LMX1B: variants seen among roughly 807,000 people sequenced by gnomAD.
The protein encoded by LMX1B is LIM homeobox transcription factor 1 beta.
A neutral mutation model predicts 51.4 loss-of-function variants in LMX1B; 12 were observed. That is an observed-to-expected ratio of 0.23 (90% CI 0.15 to 0.38). The LOEUF (loss-of-function observed/expected upper bound fraction) is 0.38. Among genes scored for constraint, LMX1B ranks in the 10% least tolerant of loss-of-function variants. The probability of loss-of-function intolerance (pLI) is 1.00; values close to 1 mark genes in which losing one functional copy is unlikely to be tolerated. For synonymous variants in LMX1B, 237 were observed against 235.4 expected (o/e 1.01, Z -0.06); for missense variants, 445 against 571.1 (o/e 0.78, Z 2.25).
chr9:126,652,615 G>A (rs1335085645), intron 2 of LMX1B, among the ~76,000 whole-genome samples: 1 of 152,268 alleles, frequency 6.6e-6, no homozygotes, highest in African/African-American at 2.4e-5. Context: ...GTGACTGTGT[G>A]TGTGTGTGGA....
rs572629979 is a variant in LMX1B, at chr9:126,695,603, C to T, written c.887-236C>T. Among the ~76,000 whole-genome samples the T allele has an allele frequency of 7.9e-5, 12 of 152,104 alleles. No homozygotes were observed. Among genetic ancestry groups the T allele is most frequent in the African/African-American group, 2.7e-4 (11 of 41,472 alleles). ...CGCCTCCCTGGATCCCCTGGAGGGG[C>T]GGGGTGGTGGGAGGAAAGAAGATGA... On this transcript the variant is annotated intron_variant, in intron 6 of 7. Coordinates refer to ENST00000373474, the MANE Select transcript of LMX1B (RefSeq NM_001174147.2). The surrounding 1 kb of genome is among the most constrained non-coding windows in gnomAD (Gnocchi z 5.2).
chr9:126,674,335 G>A (rs1450357453), intron 2 of LMX1B, among the ~76,000 whole-genome samples: 1 of 152,124 alleles, frequency 6.6e-6, no homozygotes, highest in Non-Finnish European at 1.5e-5. Flanking sequence ...GCTTTCTCAG[G>A]GCTGCTCTTC....
chr9:126,624,858 A>T (rs1298982383), intron 2 of LMX1B, among the ~76,000 whole-genome samples: 2 of 152,086 alleles, frequency 1.3e-5, no homozygotes, highest in Non-Finnish European at 2.9e-5. Flanking sequence ...GCCATATCCA[A>T]CAGCAACGGG....
intron 2 of LMX1B, among the ~76,000 whole-genome samples, chr9:126,665,394 T>C (rs753484199): frequency 2.0e-5 from 3 of 152,222 alleles, no homozygotes; most frequent in African/African-American, 7.2e-5. Flanking sequence ...GGTGGCTAAA[T>C]TGAGTCTCGG....
At chr9:126,684,437 C>G (rs1052839161) in intron 2 of LMX1B, among the ~76,000 whole-genome samples, 1 of 152,182 alleles carries the variant, frequency 6.6e-6, no homozygotes, top group Non-Finnish European at 1.5e-5. Flanking sequence ...CCTTCCCACA[C>G]TGGTTAAAAT....
At chr9:126,685,404 C>T (rs1836752006) in intron 2 of LMX1B, among the ~76,000 whole-genome samples, 1 of 152,116 alleles carries the variant, frequency 6.6e-6, no homozygotes, top group African/African-American at 2.4e-5. Context: ...CTTGGACGTT[C>T]AGAAATGAAG....
chr9:126,681,826 G>T (rs1034574008), intron 2 of LMX1B, among the ~76,000 whole-genome samples: 1 of 151,766 alleles, frequency 6.6e-6, no homozygotes. Flanking sequence ...GCTTGAACCC[G>T]GGAGGCAGAG....
At position 126,615,330 on chromosome 9, in the gene LMX1B, C is replaced by T. The variant is rs1348857495; in HGVS notation, c.140-53C>T. 5.7e-6 allele frequency: 8 copies of T among 1,395,852 alleles called. No homozygotes were observed. The highest frequency in any genetic ancestry group is 7.5e-6 in the Non-Finnish European group (8 of 1,070,664). 86.5% of individuals were successfully genotyped at this position (1,395,852 alleles called of 1,614,324 possible). A position where few individuals can be genotyped will look rare whatever the true frequency, so the allele number is the denominator to read the frequency against. ...TGTGGGCCCGGTGCGACCGGGACGC[C>T]GGGGCTGGGCCGGGCGGCGCTGACG... is the stretch of plus-strand genomic sequence containing the variant. On this transcript the variant is annotated intron_variant, in intron 1 of 7. Coordinates refer to ENST00000373474, the MANE Select transcript of LMX1B (RefSeq NM_001174147.2). The surrounding 1 kb of genome is among the most constrained non-coding windows in gnomAD (Gnocchi z 6.0).
At position 126,626,496 on chromosome 9, in the gene LMX1B, A is replaced by G. The variant is rs1362027675; in HGVS notation, c.326+10927A>G. On this transcript the variant is annotated intron_variant, in intron 2 of 7. Transcript: ENST00000373474. The surrounding 1 kb of genome is among the most constrained non-coding windows in gnomAD (Gnocchi z 4.3). ...TGGGACGGGCAGGCGAGAGCGGGGAAGGGGACCGATGGAGCCAGAAGCCCT... is the reference window on the plus strand; with the variant it reads ...TGGGACGGGCAGGCGAGAGCGGGGAGGGGGACCGATGGAGCCAGAAGCCCT... Among the ~76,000 whole-genome samples, 2 of 152,078 alleles carry G rather than the reference A, an allele frequency of 1.3e-5. No individual in the cohort carries two copies. Among genetic ancestry groups the G allele is most frequent in the Admixed American group, 1.3e-4 (2 of 15,276 alleles).
chr9:126,700,644 CAT>C lies in LMX1B; in HGVS notation c.*4194_*4195del, dbSNP rs1368815516. 1.3e-5 allele frequency: 2 copies of C among 152,294 alleles called. No homozygotes were observed. The highest frequency in any genetic ancestry group is 1.3e-4 in the Admixed American group (2 of 15,288). 9.4% of individuals were successfully genotyped at this position (152,294 alleles called of 1,614,324 possible). ...GCTTGCGGACCCATACTCACAGGCA[CAT>C]GTGGCCTGGGGACTGGGGGAGCAGG... On this transcript the variant is annotated 3_prime_UTR_variant, in exon 8 of 8. Coordinates refer to ENST00000373474, the MANE Select transcript of LMX1B (RefSeq NM_001174147.2).
At chr9:126,684,134 A>G (rs1442247701) in intron 2 of LMX1B, among the ~76,000 whole-genome samples, 2 of 152,090 alleles carry the variant, frequency 1.3e-5, no homozygotes, top group African/African-American at 2.4e-5. Flanking sequence ...GCCAAATCTC[A>G]TGGTCCCCAT....
chr9:126,671,266 C>G lies in LMX1B; in HGVS notation c.327-19570C>G, dbSNP rs990021366. The stretch of plus-strand genomic sequence containing the variant: ...AATCGGTCATAAATTTCTTGAGATG[C>G]TTTAATTTTTTAAAAGCCCCACGTA... On this transcript the variant is annotated intron_variant, in intron 2 of 7. Coordinates refer to ENST00000373474, the MANE Select transcript of LMX1B (RefSeq NM_001174147.2). The surrounding 1 kb of genome is among the most constrained non-coding windows in gnomAD (Gnocchi z 4.4). 3.3e-5 allele frequency among the ~76,000 whole-genome samples: 5 copies of G among 152,158 alleles called. No individual in the cohort carries two copies. The highest frequency in any genetic ancestry group is 2.1e-4 in the South Asian group (1 of 4,822).
At chr9:126,688,631 T>G (rs1564167806) in intron 2 of LMX1B, among the ~76,000 whole-genome samples, 1 of 152,202 alleles carries the variant, frequency 6.6e-6, no homozygotes, top group Non-Finnish European at 1.5e-5. Context: ...GCCAGATTCC[T>G]AGGGCCTCTG....
rs145190620 is a variant in LMX1B at position 126,699,699 on chromosome 9, G to C, written c.*3248G>C. The C allele has an allele frequency of 6.6e-6, 1 of 152,406 alleles. No homozygotes were observed. Among genetic ancestry groups the C allele is most frequent in the East Asian group, 1.9e-4 (1 of 5,178 alleles). The allele number at this position is 152,406 out of a possible 1,614,324, so 9.4% of individuals were successfully genotyped here. ...AGCCAGACTCTCCGGCCCAGCCAGAGAGTCCAGACATGGCAGGGACCCGTT... is the reference window on the plus strand; with the variant it reads ...AGCCAGACTCTCCGGCCCAGCCAGACAGTCCAGACATGGCAGGGACCCGTT... On this transcript the variant is annotated 3_prime_UTR_variant, in exon 8 of 8. Transcript: ENST00000373474.
At chr9:126,646,561 G>T (rs2118893084) in intron 2 of LMX1B, among the ~76,000 whole-genome samples, 1 of 152,344 alleles carries the variant, frequency 6.6e-6, no homozygotes, top group South Asian at 2.1e-4. Flanking sequence ...CCAGGGGAGA[G>T]ATTGACTGTC....
chr9:126,653,731 C>T (rs1223383443), intron 2 of LMX1B, among the ~76,000 whole-genome samples: 1 of 152,160 alleles, frequency 6.6e-6, no homozygotes, highest in East Asian at 1.9e-4. Flanking sequence ...CTTTCATGAC[C>T]ACACTCAGCT....
chr9:126,617,312 A>G (rs1835321637), intron 2 of LMX1B, among the ~76,000 whole-genome samples: 2 of 151,910 alleles, frequency 1.3e-5, no homozygotes, highest in African/African-American at 4.8e-5. Context: ...CAGCTCAGCC[A>G]CCAGCCTTTA....
At chr9:126,616,943 T>C (rs933772808) in intron 2 of LMX1B, among the ~76,000 whole-genome samples, 2 of 152,062 alleles carry the variant, frequency 1.3e-5, no homozygotes, top group Non-Finnish European at 2.9e-5. Context: ...GGGATTGGAG[T>C]CCATTCAGAG....
chr9:126,616,612 G>A (rs771825725), intron 2 of LMX1B, among the ~76,000 whole-genome samples: 3 of 152,216 alleles, frequency 2.0e-5, no homozygotes, highest in Non-Finnish European at 2.9e-5. Flanking sequence ...GCTGCAGAGC[G>A]GGTAGGCTGC....
Sources: allele counts gnomAD v4.1 joint callset (sites outside exome capture counted in the v4.1 genomes callset), GRCh38; gene constraint gnomAD v4.1.1; non-coding constraint Gnocchi (gnomAD v3.1); transcripts MANE v1.5; gene names NCBI Gene and HGNC (gene_info 2026-07-23, HGNC 2026-07-21).